The following DPYSL2 variants were observed in gnomAD, a reference collection of about 807,000 sequenced individuals.
DPYSL2 encodes the protein dihydropyrimidinase like 2, also known as dihydropyrimidinase-related protein 2.
A neutral mutation model predicts 69.9 loss-of-function variants in DPYSL2; 13 were observed. The observed-to-expected ratio is 0.19, with a 90% CI of 0.12 to 0.30. DPYSL2 has a LOEUF of 0.30. Ranked by LOEUF, DPYSL2 falls within the 10% of genes least tolerant of loss-of-function variation. The pLI, the probability that DPYSL2 is intolerant of heterozygous loss-of-function variation, is 1.00. For synonymous variants in DPYSL2, 326 were observed against 359.1 expected (o/e 0.91, Z 1.04); for missense variants, 587 against 918.9 (o/e 0.64, Z 4.67).
At chr8:26,537,300 T>C (rs1453391511) in intron 1 of DPYSL2, among the ~76,000 whole-genome samples, 1 of 152,150 alleles carries the variant, frequency 6.6e-6, no homozygotes, top group African/African-American at 2.4e-5. Context: ...GAGCCTATTC[T>C]GGGAAGGCTG....
rs150182447 is a variant in DPYSL2 at position 26,566,770 on chromosome 8, C to T, written c.355-15199C>T. On this transcript the variant is annotated intron_variant, in intron 1 of 13. Transcript: ENST00000521913. Reference sequence around the variant, plus strand: ...CAAGTCCCAGTGAGTCTATGTTAGACTCAAGTCCCAGTGTTTGGGCTGTAT... The same window carrying T: ...CAAGTCCCAGTGAGTCTATGTTAGATTCAAGTCCCAGTGTTTGGGCTGTAT... Among the ~76,000 whole-genome samples the T allele has an allele frequency of 4.1e-3, 627 of 152,282 alleles. 3 individuals are homozygous for T. Among genetic ancestry groups the T allele is most frequent in the African/African-American group, 0.014 (575 of 41,534 alleles).
rs1252387907 is a variant in DPYSL2, at chr8:26,648,119, C to T, written c.1596+319C>T. Among the ~76,000 whole-genome samples the T allele has an allele frequency of 1.3e-5, 2 of 152,158 alleles. No individual in the cohort carries two copies. Among genetic ancestry groups the T allele is most frequent in the Non-Finnish European group, 2.9e-5 (2 of 68,042 alleles). ...ACCGCTCCATTTTCATAGGTTGGCA[C>T]AGCACTTCTCATGGCAGTACTTGGT... On this transcript the variant is annotated intron_variant, in intron 11 of 13. Transcript: ENST00000521913. The surrounding 1 kb of genome is among the most constrained non-coding windows in gnomAD (Gnocchi z 4.3).
chr8:26,524,461 G>A (rs573418571), intron 1 of DPYSL2, among the ~76,000 whole-genome samples: 51 of 152,212 alleles, frequency 3.4e-4, no homozygotes, highest in African/African-American at 1.2e-3. Flanking sequence ...ACCATGGATA[G>A]TATTTTGTTG....
Position 26,655,794 on chromosome 8 carries a change from T to TTG in DPYSL2, c.*89_*90insGT. 4.7e-6 allele frequency: 6 copies of TTG among 1,271,768 alleles called. No individual in the cohort carries two copies. The highest frequency in any genetic ancestry group is 3.5e-5 in the South Asian group (2 of 57,722). 78.8% of individuals were successfully genotyped at this position (1,271,768 alleles called of 1,614,324 possible). A position where few individuals can be genotyped will look rare whatever the true frequency, so the allele number is the denominator to read the frequency against. On this transcript the variant is annotated 3_prime_UTR_variant, in exon 14 of 14. Coordinates refer to ENST00000521913, the MANE Select transcript of DPYSL2 (RefSeq NM_001197293.3). ...TTCTTTCTTCCTTCCTTTTTTTTTT[T>TTG]TTGTTTTTTTTTTTAAGAGCCTGTG...
At chr8:26,594,484 TTTATC>T (rs1585532582) in intron 3 of DPYSL2, among the ~76,000 whole-genome samples, 1 of 152,212 alleles carries the variant, frequency 6.6e-6, no homozygotes, top group Non-Finnish European at 1.5e-5. Flanking sequence ...CTACCTATCA[TTTATC>T]TAATCTATCT....
chr8:26,627,333 G>A lies in DPYSL2; in HGVS notation c.936+38G>A, dbSNP rs1802642410. On this transcript the variant is annotated intron_variant, in intron 6 of 13. Transcript: ENST00000521913. The surrounding 1 kb of genome is among the most constrained non-coding windows in gnomAD (Gnocchi z 6.9). Reference sequence around the variant, plus strand: ...CTTTTTCGTCATTTCTTCATCACCTGGAGGGTGAGAGGCAGGCTCAAGAAA... The same window carrying A: ...CTTTTTCGTCATTTCTTCATCACCTAGAGGGTGAGAGGCAGGCTCAAGAAA... 8.1e-6 allele frequency: 13 copies of A among 1,595,514 alleles called. No homozygotes were observed. Among genetic ancestry groups the A allele is most frequent in the Non-Finnish European group, 1.1e-5 (13 of 1,163,440 alleles).
At position 26,514,714 on chromosome 8, in the gene DPYSL2, G is replaced by T. The variant is rs1211067561; in HGVS notation, c.354+35G>T. 38 of 1,343,596 alleles carry T rather than the reference G, an allele frequency of 2.8e-5. 1 individual carries two copies. The highest frequency in any genetic ancestry group is 3.4e-5 in the Non-Finnish European group (35 of 1,043,090). The allele number at this position is 1,343,596 out of a possible 1,614,324, so 83.2% of individuals were successfully genotyped here. On this transcript the variant is annotated intron_variant, in intron 1 of 13. Coordinates refer to ENST00000521913, the MANE Select transcript of DPYSL2 (RefSeq NM_001197293.3). The surrounding 1 kb of genome is among the most constrained non-coding windows in gnomAD (Gnocchi z 8.4). The stretch of plus-strand genomic sequence containing the variant: ...GGGGTTGGGGGTGGAGACGGAGGAC[G>T]GGGCGCGGGGATCGCCCCTCCCTCG...
chr8:26,539,770 C>T (rs916770060), intron 1 of DPYSL2, among the ~76,000 whole-genome samples: 1 of 152,148 alleles, frequency 6.6e-6, no homozygotes, highest in Non-Finnish European at 1.5e-5. Context: ...TTCCTGAAGG[C>T]AGAACTATTG....
intron 1 of DPYSL2, among the ~76,000 whole-genome samples, chr8:26,540,677 A>C (rs1800664989): frequency 6.6e-6 from 1 of 152,142 alleles, no homozygotes. Flanking sequence ...AGGCCAAGGC[A>C]GGCAGATCAC....
Position 26,586,725 on chromosome 8 carries a change from G to T in DPYSL2, c.628+2742G>T, listed in dbSNP as rs886541856. On this transcript the variant is annotated intron_variant, in intron 3 of 13. Transcript: ENST00000521913. This position sits in a 1 kb window ranked among gnomAD's most constrained non-coding sequence, Gnocchi z 4.7. The stretch of plus-strand genomic sequence containing the variant: ...TGCAGCACCTGGCCCAGGGAGCTCA[G>T]AAGAGTCAGCAGATGGCCTTATGGG... Among the ~76,000 whole-genome samples the T allele has an allele frequency of 6.6e-6, 1 of 152,228 alleles. No homozygotes were observed. Among genetic ancestry groups the T allele is most frequent in the Admixed American group, 6.5e-5 (1 of 15,280 alleles).
intron 7 of DPYSL2, among the ~76,000 whole-genome samples, chr8:26,632,820 G>GAA (rs1802809714): frequency 6.6e-6 from 1 of 152,258 alleles, no homozygotes; most frequent in Admixed American, 6.5e-5. Flanking sequence ...AGTGGAGAGA[G>GAA]AGGGCTTCTC....
chr8:26,572,594 G>T (rs1801256710), intron 1 of DPYSL2, among the ~76,000 whole-genome samples: 2 of 152,166 alleles, frequency 1.3e-5, no homozygotes, highest in South Asian at 4.1e-4. Flanking sequence ...CCGTTTCCCA[G>T]GTTCAAGTGA....
Position 26,651,673 on chromosome 8 carries a change from G to A in DPYSL2, c.1597-584G>A, listed in dbSNP as rs1366442082. Among the ~76,000 whole-genome samples, 3 of 152,174 alleles carry A rather than the reference G, an allele frequency of 2.0e-5. No individual in the cohort carries two copies. The East Asian group carries it at 5.8e-4, about 29-fold the overall frequency. On this transcript the variant is annotated intron_variant, in intron 11 of 13. Transcript: ENST00000521913. ...ACACAGATATGTCTCTGTTTTACCCGGAAAAACTTGAAACCAGAAGGATAG... is the reference window on the plus strand; with the variant it reads ...ACACAGATATGTCTCTGTTTTACCCAGAAAAACTTGAAACCAGAAGGATAG...
chr8:26,631,048 G>T (rs1802759349), intron 7 of DPYSL2, among the ~76,000 whole-genome samples: 1 of 152,204 alleles, frequency 6.6e-6, no homozygotes, highest in East Asian at 1.9e-4. Flanking sequence ...TCAAGTTTTA[G>T]AGCCTTCTGA....
rs148731450 is a variant in DPYSL2 at position 26,561,729 on chromosome 8, C to T, written c.355-20240C>T. ...TCCCACCTCAGATCATCAGGGCCTT[C>T]GTCAGATTCTCGTAAAGAGCATGCA... On this transcript the variant is annotated intron_variant, in intron 1 of 13. Transcript: ENST00000521913. Among the ~76,000 whole-genome samples, 309 of 152,276 alleles carry T rather than the reference C, an allele frequency of 2.0e-3. 3 individuals are homozygous for T. The highest frequency in any genetic ancestry group is 7.1e-3 in the African/African-American group (297 of 41,552).
chr8:26,516,400 C>G lies in DPYSL2; in HGVS notation c.354+1721C>G, dbSNP rs1020885638. On this transcript the variant is annotated intron_variant, in intron 1 of 13. Coordinates refer to ENST00000521913, the MANE Select transcript of DPYSL2 (RefSeq NM_001197293.3). The surrounding 1 kb of genome is among the most constrained non-coding windows in gnomAD (Gnocchi z 4.8). ...GTAGCCTCATGCATGGCGAGTTGTG[C>G]TGGTGATTGTGATGTCCTAGAGAAA... 2.2e-4 allele frequency among the ~76,000 whole-genome samples: 34 copies of G among 152,068 alleles called. No individual in the cohort carries two copies. Among genetic ancestry groups the G allele is most frequent in the Admixed American group, 1.2e-3 (18 of 15,262 alleles).
intron 1 of DPYSL2, among the ~76,000 whole-genome samples, chr8:26,549,545 C>T (rs1800838850): frequency 6.6e-6 from 1 of 152,078 alleles, no homozygotes; most frequent in African/African-American, 2.4e-5. Flanking sequence ...TTAATGATAG[C>T]ATACCACAGG....
chr8:26,589,783 A>T (rs1801682754), intron 3 of DPYSL2, among the ~76,000 whole-genome samples: 1 of 152,238 alleles, frequency 6.6e-6, no homozygotes, highest in South Asian at 2.1e-4. Flanking sequence ...CAGCTCTCTC[A>T]TTGGTCCTCT....
At chr8:26,558,806 A>G (rs557159948) in intron 1 of DPYSL2, among the ~76,000 whole-genome samples, 59 of 152,306 alleles carry the variant, frequency 3.9e-4, no homozygotes, top group Admixed American at 1.6e-3. Context: ...TGGGATCCTA[A>G]TGTATAAACT....
Sources: allele counts gnomAD v4.1 joint callset (sites outside exome capture counted in the v4.1 genomes callset), GRCh38; gene constraint gnomAD v4.1.1; non-coding constraint Gnocchi (gnomAD v3.1); transcripts MANE v1.5; gene names NCBI Gene and HGNC (gene_info 2026-07-23, HGNC 2026-07-21).